The following EIF3H variants were observed in gnomAD, a reference collection of about 807,000 sequenced individuals.
The protein encoded by EIF3H is eukaryotic translation initiation factor 3 subunit H.
Under a neutral mutation model 44.2 loss-of-function variants are expected in EIF3H, and 26 were observed. The observed-to-expected ratio is 0.59, with a 90% CI of 0.43 to 0.82. The LOEUF (loss-of-function observed/expected upper bound fraction) is 0.82. Among genes scored for constraint, EIF3H ranks in the 40% least tolerant of loss-of-function variants. The probability of loss-of-function intolerance (pLI) is 0.00; values close to 1 mark genes in which losing one functional copy is unlikely to be tolerated. For missense variants in EIF3H, 359 were observed against 432.8 expected, an observed-to-expected ratio of 0.83 and a Z score of 1.51; for synonymous variants, 166 against 151.9, an observed-to-expected ratio of 1.09 and a Z score of -0.68.
intron 6 of EIF3H, 46 bp from the exon 7 acceptor site, chr8:116,646,649 G>A (rs749163138): frequency 1.2e-6 from 2 of 1,600,704 alleles, no homozygotes; most frequent in Admixed American, 1.7e-5. Context: ...CTCCATCTGA[G>A]GAGGAAAAAA....
chr8:116,764,853 T>C (rs1815552929), intron 1 of EIF3H, among the ~76,000 whole-genome samples: 1 of 152,194 alleles, frequency 6.6e-6, no homozygotes, highest in Non-Finnish European at 1.5e-5. Flanking sequence ...ATCACCATTA[T>C]AGACCATCTT....
rs545382453 is a variant in EIF3H, at chr8:116,736,545, C to G, written c.133-10373G>C. ...GGCGTGGTGGCACGCGCCTATAGTT[C>G]CAGCTACTTGGGAGGCTGAGGCAGG... On this transcript the variant is annotated intron_variant, in intron 1 of 7. Coordinates refer to ENST00000521861, the MANE Select transcript of EIF3H (RefSeq NM_003756.3). Among the ~76,000 whole-genome samples the G allele has an allele frequency of 1.4e-3, 213 of 152,232 alleles. 1 individual carries two copies. Among genetic ancestry groups the G allele is most frequent in the Middle Eastern group, 6.8e-3 (2 of 294 alleles).
At chr8:116,741,135 A>T (rs1158418052) in intron 1 of EIF3H, among the ~76,000 whole-genome samples, 1 of 151,914 alleles carries the variant, frequency 6.6e-6, no homozygotes, top group Non-Finnish European at 1.5e-5. Flanking sequence ...TATTTCACCT[A>T]TTCTCATTCA....
chr8:116,765,340 T>A (rs1380353078), intron 1 of EIF3H, among the ~76,000 whole-genome samples: 1 of 152,210 alleles, frequency 6.6e-6, no homozygotes, highest in East Asian at 1.9e-4. Flanking sequence ...TTATTCCAAT[T>A]TCATAAACCT....
chr8:116,691,199 A>C (rs1168854054), intron 2 of EIF3H, among the ~76,000 whole-genome samples: 6 of 152,236 alleles, frequency 3.9e-5, no homozygotes, highest in Non-Finnish European at 8.8e-5. Context: ...TTCATAAATA[A>C]CAATCCATTT....
chr8:116,647,719 C>T (rs1032183188), intron 6 of EIF3H, among the ~76,000 whole-genome samples: 3 of 152,072 alleles, frequency 2.0e-5, no homozygotes, highest in Non-Finnish European at 4.4e-5. Context: ...AGGGAAACAA[C>T]AATTCTTTCT....
At chr8:116,752,683 A>AG in intron 1 of EIF3H, among the ~76,000 whole-genome samples, 1 of 113,030 alleles carries the variant, frequency 8.8e-6, no homozygotes, top group Middle Eastern at 4.2e-3. Flanking sequence ...AAAGAAAGAA[A>AG]GAAAGAAAGA....
chr8:116,681,050 T>C (rs1440763303), intron 2 of EIF3H, among the ~76,000 whole-genome samples: 2 of 151,852 alleles, frequency 1.3e-5, no homozygotes, highest in Non-Finnish European at 2.9e-5. Flanking sequence ...AAAATGTACT[T>C]AATCTGAAAC....
chr8:116,728,522 A>G (rs968288999), intron 1 of EIF3H, among the ~76,000 whole-genome samples: 12 of 152,136 alleles, frequency 7.9e-5, no homozygotes, highest in African/African-American at 2.9e-4. Context: ...TATGCAGTAA[A>G]AACTGTGTTA....
chr8:116,744,511 G>A (rs1815199330), intron 1 of EIF3H, among the ~76,000 whole-genome samples: 1 of 152,092 alleles, frequency 6.6e-6, no homozygotes, highest in Admixed American at 6.5e-5. Flanking sequence ...ATCCACTTCA[G>A]CCCTTTCAGT....
chr8:116,739,432 C>T (rs1363961919), intron 1 of EIF3H, among the ~76,000 whole-genome samples: 3 of 152,296 alleles, frequency 2.0e-5, no homozygotes, highest in African/African-American at 7.2e-5. Flanking sequence ...GGGCAGATCA[C>T]GAGGTCAGGA....
Position 116,642,891 on chromosome 8 carries a change from TTTCA to T in EIF3H, c.*2111_*2114del, listed in dbSNP as rs567050053. ...TCCCAAATCAAAAATTACTGAAATC[TTTCA>T]TTAAGTGTGTATTCATGTTACCAAG... On this transcript the variant is annotated 3_prime_UTR_variant, in exon 8 of 8. Coordinates refer to ENST00000521861, the MANE Select transcript of EIF3H (RefSeq NM_003756.3). 1.0e-4 allele frequency: 16 copies of T among 152,388 alleles called. No homozygotes were observed. The highest frequency in any genetic ancestry group is 3.9e-4 in the East Asian group (2 of 5,192). The allele number at this position is 152,388 out of a possible 1,614,324, so 9.4% of individuals were successfully genotyped here. A position where few individuals can be genotyped will look rare whatever the true frequency, so the allele number is the denominator to read the frequency against.
chr8:116,746,001 G>A (rs561911240), intron 1 of EIF3H, among the ~76,000 whole-genome samples: 5 of 151,548 alleles, frequency 3.3e-5, no homozygotes, highest in South Asian at 4.2e-4. Flanking sequence ...TTAGGGACAC[G>A]TACCAGTACT....
rs747547839 is a variant in EIF3H, at chr8:116,645,037, A to G, written c.1028T>C (p.Met343Thr). The change falls in exon 8 of 8, where the codon ATG becomes ACG. Residue 343 changes from methionine (M) to threonine (T), a missense_variant. By Grantham distance (81) the Met-to-Thr change is moderately conservative (BLOSUM62 -1). Coordinates refer to ENST00000521861, the MANE Select transcript of EIF3H (RefSeq NM_003756.3). ...GTTGTATTCTTGAAGAGCCTGGGCC[A>G]TGAAGAGCTTGCCTAAGTTTTGGGC... ...FTAQNLGKLF[M>T]AQALQEYNN is the part of the protein sequence containing the mutation. 1 of 1,614,184 alleles carries G rather than the reference A, an allele frequency of 6.2e-7. No homozygotes were observed. The highest frequency in any genetic ancestry group is 1.1e-5 in the South Asian group (1 of 91,078).
intron 2 of EIF3H, among the ~76,000 whole-genome samples, chr8:116,712,748 T>C (rs1814595737): frequency 2.0e-5 from 3 of 152,056 alleles, no homozygotes; most frequent in Admixed American, 2.0e-4. Flanking sequence ...GAGATGAATA[T>C]AAAGCAAACA....
chr8:116,719,645 T>C (rs764697472), intron 2 of EIF3H, among the ~76,000 whole-genome samples: 11 of 152,028 alleles, frequency 7.2e-5, no homozygotes, highest in Admixed American at 3.3e-4. Context: ...AAAATTCTCA[T>C]GAAAAATAAA....
intron 2 of EIF3H, among the ~76,000 whole-genome samples, chr8:116,703,788 A>G (rs1814421735): frequency 6.6e-6 from 1 of 152,052 alleles, no homozygotes; most frequent in African/African-American, 2.4e-5. Context: ...CGGTCTCCAC[A>G]TCTAGGTGGT....
In EIF3H at chr8:116,704,351, A is replaced by G. The variant is rs187136230; in HGVS notation, c.289+21665T>C. Among the ~76,000 whole-genome samples, 191 of 152,342 alleles carry G rather than the reference A, an allele frequency of 1.3e-3. 2 individuals carry two copies. The highest frequency in any genetic ancestry group is 2.4e-3 in the Non-Finnish European group (162 of 68,028). ...TTTGGCACATGACACGTGCTCAACG[A>G]ATGTTAGCAATTACAACTGTGACTG... On this transcript the variant is annotated intron_variant, in intron 2 of 7. Transcript: ENST00000521861.
chr8:116,753,892 G>C (rs898235749), intron 1 of EIF3H, among the ~76,000 whole-genome samples: 1 of 152,198 alleles, frequency 6.6e-6, no homozygotes, highest in Non-Finnish European at 1.5e-5. Context: ...GATTCAAAGA[G>C]TGCTGTTGTG....
Sources: allele counts gnomAD v4.1 joint callset (sites outside exome capture counted in the v4.1 genomes callset), GRCh38; gene constraint gnomAD v4.1.1; transcripts MANE v1.5; gene names NCBI Gene and HGNC (gene_info 2026-07-23, HGNC 2026-07-21).